ORC4: variants seen among roughly 807,000 people sequenced by gnomAD.
ORC4 encodes the protein origin recognition complex subunit 4.
Under a neutral mutation model 63.9 loss-of-function variants are expected in ORC4, and 55 were observed. That is an observed-to-expected ratio of 0.86 (90% CI 0.69 to 1.08). ORC4 has a LOEUF of 1.08. Ranked by LOEUF, ORC4 falls within the 50% of genes least tolerant of loss-of-function variation. The pLI is 0.00. For missense variants in ORC4, 511 were observed against 504.4 expected, an observed-to-expected ratio of 1.01 and a Z score of -0.13; for synonymous variants, 150 against 168.5, an observed-to-expected ratio of 0.89 and a Z score of 0.85.
intron 7 of ORC4, 53 bp from the exon 8 acceptor site, chr2:147,952,577 A>G: frequency 1.5e-6 from 2 of 1,368,054 alleles, no homozygotes; most frequent in South Asian, 2.4e-5. Context: ...CACCTTTCCT[A>G]AATTTCCAAA....
At chr2:147,990,809 A>G (rs1691535670) in intron 1 of ORC4, among the ~76,000 whole-genome samples, 1 of 152,228 alleles carries the variant, frequency 6.6e-6, no homozygotes, top group Non-Finnish European at 1.5e-5. Context: ...TGATGCCATG[A>G]TATTTTCTCA....
At chr2:148,005,254 C>G (rs768222612) in intron 1 of ORC4, among the ~76,000 whole-genome samples, 1 of 152,090 alleles carries the variant, frequency 6.6e-6, no homozygotes, top group Non-Finnish European at 1.5e-5. Flanking sequence ...ATGTCCTTTG[C>G]AGGGACACGG....
intron 4 of ORC4, chr2:147,960,409 C>G (rs1415614174): frequency 1.1e-6 from 1 of 899,170 alleles, no homozygotes; most frequent in African/African-American, 1.8e-5. Flanking sequence ...TTTAAGTTAG[C>G]TTTTTTCTTG....
chr2:148,007,311 T>C (rs1325837686), intron 1 of ORC4, among the ~76,000 whole-genome samples: 1 of 152,140 alleles, frequency 6.6e-6, no homozygotes, highest in South Asian at 2.1e-4. Flanking sequence ...AGATGGGAAA[T>C]TCAAAATAGC....
At chr2:147,943,375 A>AC in intron 10 of ORC4, 61 bp downstream of exon 10, 6 of 1,092,458 alleles carry the variant, frequency 5.5e-6, no homozygotes, top group Non-Finnish European at 8.5e-6. Context: ...ACAAAGTGAG[A>AC]CCCCGTCACT....
intron 1 of ORC4, among the ~76,000 whole-genome samples, chr2:148,011,543 C>T (rs1692969062): frequency 6.6e-6 from 1 of 152,136 alleles, no homozygotes; most frequent in African/African-American, 2.4e-5. Context: ...AACTGAAAGC[C>T]TTTATTCTAG....
At chr2:147,978,861 C>T (rs955423437) in intron 1 of ORC4, among the ~76,000 whole-genome samples, 1 of 152,160 alleles carries the variant, frequency 6.6e-6, no homozygotes, top group African/African-American at 2.4e-5. Context: ...ACAAAAATCA[C>T]ATGACTGACT....
chr2:147,989,159 G>A (rs1016621390), intron 1 of ORC4, among the ~76,000 whole-genome samples: 4 of 152,180 alleles, frequency 2.6e-5, no homozygotes, highest in African/African-American at 9.7e-5. Context: ...ATTAGCAGCA[G>A]TAACAAGTAG....
chr2:147,956,132 C>G (rs1417378159), intron 6 of ORC4, among the ~76,000 whole-genome samples: 1 of 151,866 alleles, frequency 6.6e-6, no homozygotes, highest in Non-Finnish European at 1.5e-5. Flanking sequence ...GAGTTCATAA[C>G]TAAAAGAAAC....
intron 4 of ORC4, 150 bp from the exon 5 acceptor site, chr2:147,959,016 A>G: frequency 1.8e-6 from 1 of 546,198 alleles, no homozygotes; most frequent in South Asian, 2.5e-5. Flanking sequence ...TAAAAGGTTT[A>G]ACTAGAACAT....
intron 9 of ORC4, among the ~76,000 whole-genome samples, chr2:147,947,353 T>C (rs1354102772): frequency 6.6e-6 from 1 of 152,108 alleles, no homozygotes; most frequent in East Asian, 1.9e-4. Flanking sequence ...TATTATTAAA[T>C]ACACACACAT....
chr2:148,012,819 A>C (rs1400751839), intron 1 of ORC4, among the ~76,000 whole-genome samples: 1 of 152,236 alleles, frequency 6.6e-6, no homozygotes, highest in African/African-American at 2.4e-5. Context: ...TACAAATGGC[A>C]AACAGGCATA....
chr2:147,955,419 T>C, intron 6 of ORC4, 24 bp from the exon 7 acceptor site: 2 of 1,557,610 alleles, frequency 1.3e-6, no homozygotes, highest in Non-Finnish European at 1.8e-6. Flanking sequence ...TGAGATAAAA[T>C]GATTAAAAGT....
At chr2:147,959,359 TTC>T (rs1053602587) in intron 4 of ORC4, among the ~76,000 whole-genome samples, 8 of 133,730 alleles carry the variant, frequency 6.0e-5, no homozygotes, top group Non-Finnish European at 9.9e-5. Context: ...TACCAATGCA[TTC>T]TTTTTTTTAA....
At chr2:147,968,296 T>C (rs1690015309) in intron 4 of ORC4, among the ~76,000 whole-genome samples, 1 of 151,984 alleles carries the variant, frequency 6.6e-6, no homozygotes, top group Non-Finnish European at 1.5e-5. Flanking sequence ...ACAAATCTGC[T>C]AACATCAAAC....
Position 147,935,580 on chromosome 2 carries a change from G to A in ORC4, c.1241C>T (p.Ala414Val), listed in dbSNP as rs1392427129. 2 of 1,613,566 alleles carry A rather than the reference G, an allele frequency of 1.2e-6. No individual in the cohort carries two copies. The highest frequency in any genetic ancestry group is 2.7e-5 in the African/African-American group (2 of 74,908). The part of the protein sequence containing the change: ...LLLDNTQIMN[A>V]LQKYPNCPTD... ...AGGACAGTTGGGATATTTCTGCAGA[G>A]CATTCATAATTTGAGTATTATCCAA... is the stretch of plus-strand genomic sequence containing the variant. Residue 414 changes from alanine (A) to valine (V), a missense_variant, in exon 14 of 14, where the codon GCT becomes GTT. By Grantham distance (64) the Ala-to-Val change is moderately conservative. Transcript: ENST00000392857.
At chr2:147,955,219 T>G (rs2105306325) in intron 7 of ORC4, 128 bp downstream of exon 7, 2 of 660,456 alleles carry the variant, frequency 3.0e-6, no homozygotes, top group East Asian at 5.6e-5. Flanking sequence ...GAACATTGTA[T>G]TCTTTTTAAT....
intron 1 of ORC4, among the ~76,000 whole-genome samples, chr2:147,994,066 G>A (rs1278820909): frequency 6.6e-6 from 1 of 152,030 alleles, no homozygotes. Context: ...TATCAGTAAT[G>A]AACAACTGAA....
intron 1 of ORC4, among the ~76,000 whole-genome samples, chr2:148,000,060 GA>G (rs1026205358): frequency 1.3e-4 from 17 of 134,928 alleles, no homozygotes; most frequent in South Asian, 2.3e-4. Context: ...AAAGTATGAA[GA>G]AAAAAAAAAC....
Sources: allele counts gnomAD v4.1 joint callset (sites outside exome capture counted in the v4.1 genomes callset), GRCh38; gene constraint gnomAD v4.1.1; transcripts MANE v1.5; gene names NCBI Gene and HGNC (gene_info 2026-07-23, HGNC 2026-07-21).